Variants in NRXN1 observed in about 807,000 individuals in gnomAD.
NRXN1 encodes the protein neurexin 1.
In NRXN1, 39 loss-of-function variants were observed where a neutral mutation model predicts 150.9. That is an observed-to-expected ratio of 0.26 (90% CI 0.20 to 0.34). NRXN1 has a LOEUF of 0.34. Among genes scored for constraint, NRXN1 ranks in the 10% least tolerant of loss-of-function variants. NRXN1 has a pLI of 1.00. For synonymous variants in NRXN1, 924 were observed against 757.0 expected (o/e 1.22, Z -3.62); for missense variants, 1,815 against 1,949.9 (o/e 0.93, Z 1.30).
chr2:50,996,953 T>C (rs1558850), intron 2 of NRXN1, among the ~76,000 whole-genome samples: 31,691 of 152,018 alleles, frequency 0.21, 4,321 homozygotes, highest in East Asian at 0.4. Context: ...CTCTTTGTTA[T>C]TGTTTGACGC....
intron 17 of NRXN1, among the ~76,000 whole-genome samples, chr2:50,365,436 T>C (rs1302507364): frequency 2.6e-5 from 4 of 151,950 alleles, no homozygotes; most frequent in African/African-American, 9.7e-5. Context: ...AAATCATGAG[T>C]CTATTTTCAC....
intron 17 of NRXN1, among the ~76,000 whole-genome samples, chr2:50,330,465 T>C (rs922534095): frequency 2.0e-4 from 31 of 152,178 alleles, no homozygotes; most frequent in Non-Finnish European, 3.7e-4. Flanking sequence ...CCACGTCCTT[T>C]TGCTTTAACC....
intron 2 of NRXN1, among the ~76,000 whole-genome samples, chr2:51,021,858 G>T (rs1431141571): frequency 6.6e-6 from 1 of 151,958 alleles, no homozygotes; most frequent in Admixed American, 6.6e-5. Context: ...AATTGGGATG[G>T]AATACAGGTA....
At chr2:50,905,416 G>A (rs1435743737) in intron 5 of NRXN1, among the ~76,000 whole-genome samples, 3 of 152,072 alleles carry the variant, frequency 2.0e-5, no homozygotes, top group African/African-American at 7.2e-5. Flanking sequence ...AGAGAGCCTA[G>A]GGAAAATTTG....
At chr2:50,977,343 G>A (rs1393985530) in intron 2 of NRXN1, among the ~76,000 whole-genome samples, 4 of 151,730 alleles carry the variant, frequency 2.6e-5, no homozygotes, top group East Asian at 1.9e-4. Flanking sequence ...ATTTTAATAT[G>A]AGCATATTTT....
At chr2:50,879,749 T>C (rs1402559240) in intron 5 of NRXN1, among the ~76,000 whole-genome samples, 1 of 151,918 alleles carries the variant, frequency 6.6e-6, no homozygotes, top group Non-Finnish European at 1.5e-5. Flanking sequence ...TTTCTTGCTA[T>C]TCTGAAGTGC....
chr2:50,736,342 A>C (rs1698745187), intron 5 of NRXN1, among the ~76,000 whole-genome samples: 1 of 152,156 alleles, frequency 6.6e-6, no homozygotes, highest in Admixed American at 6.5e-5. Flanking sequence ...AACCTGCCTA[A>C]GGGAGTCTCA....
At position 51,026,306 on chromosome 2, in the gene NRXN1, T is replaced by C. The variant is rs1670456809; in HGVS notation, c.772+1196A>G. On this transcript the variant is annotated intron_variant, in intron 2 of 22. Transcript: ENST00000401669. Reference sequence around the variant, plus strand: ...TTGCCTTGCTTTGACCCATAAGCTATCTACTTTAAATCCTGACATCTCCTA... The same window carrying C: ...TTGCCTTGCTTTGACCCATAAGCTACCTACTTTAAATCCTGACATCTCCTA... 18 of 1,045,894 alleles carry C rather than the reference T, an allele frequency of 1.7e-5. 1 individual carries two copies. The South Asian group carries it at 2.3e-4, about 13-fold the overall frequency. 64.8% of individuals were successfully genotyped at this position (1,045,894 alleles called of 1,614,324 possible). A position where few individuals can be genotyped will look rare whatever the true frequency, so the allele number is the denominator to read the frequency against.
chr2:50,289,906 TA>T (rs1361008114), intron 17 of NRXN1, among the ~76,000 whole-genome samples: 2 of 152,170 alleles, frequency 1.3e-5, no homozygotes, highest in Admixed American at 1.3e-4. Flanking sequence ...ATATAATATT[TA>T]GAATTCCAAA....
chr2:50,426,022 A>T (rs2084452791), intron 17 of NRXN1, among the ~76,000 whole-genome samples: 1 of 152,184 alleles, frequency 6.6e-6, no homozygotes, highest in African/African-American at 2.4e-5. Context: ...ACATTTTAAC[A>T]TCCTTTCAAA....
chr2:49,969,743 G>A (rs1677620197), intron 21 of NRXN1: 1 of 151,990 alleles, frequency 6.6e-6, no homozygotes. Context: ...ATTCAGGGTG[G>A]TATGGCCGTA....
chr2:50,346,228 C>T lies in NRXN1; in HGVS notation c.3365-109258G>A, dbSNP rs1221153832. Among the ~76,000 whole-genome samples the T allele has an allele frequency of 6.6e-6, 1 of 152,202 alleles. No individual in the cohort carries two copies. Among genetic ancestry groups the T allele is most frequent in the Non-Finnish European group, 1.5e-5 (1 of 68,040 alleles). The stretch of plus-strand genomic sequence containing the variant: ...GGAATGTGCGGGCTGGAATCTCTCC[C>T]TCCCCGCCCCCCGGGGCCAGGGAAG... On this transcript the variant is annotated intron_variant, in intron 17 of 22. Coordinates refer to ENST00000401669, the MANE Select transcript of NRXN1 (RefSeq NM_001330078.2). This position sits in a 1 kb window ranked among gnomAD's most constrained non-coding sequence, Gnocchi z 5.0.
intron 2 of NRXN1, among the ~76,000 whole-genome samples, chr2:50,947,179 C>T (rs1389213806): frequency 3.3e-5 from 5 of 152,012 alleles, no homozygotes; most frequent in African/African-American, 1.2e-4. Flanking sequence ...CCCTTTGGAG[C>T]TAAACATAAA....
At chr2:50,045,658 T>C (rs1691691213) in intron 21 of NRXN1, among the ~76,000 whole-genome samples, 1 of 152,180 alleles carries the variant, frequency 6.6e-6, no homozygotes, top group Non-Finnish European at 1.5e-5. Context: ...GTAGAGCTGA[T>C]AAAAACTAAG....
At chr2:50,829,900 TGTC>T (rs142049596) in intron 5 of NRXN1, among the ~76,000 whole-genome samples, 91 of 150,966 alleles carry the variant, frequency 6.0e-4, no homozygotes, top group African/African-American at 2.2e-3. Context: ...GTGCTCTGTG[TGTC>T]TTCTCAGCCT....
At chr2:49,988,319 A>G (rs1279049185) in intron 21 of NRXN1, among the ~76,000 whole-genome samples, 1 of 151,982 alleles carries the variant, frequency 6.6e-6, no homozygotes, top group Non-Finnish European at 1.5e-5. Flanking sequence ...TATCAGAAAA[A>G]AAAAAAACTG....
Position 50,510,093 on chromosome 2 carries a change from GA to G in NRXN1, c.2375-3477del, listed in dbSNP as rs373043684. Among the ~76,000 whole-genome samples the G allele has an allele frequency of 3.8e-3, 568 of 151,154 alleles. 5 individuals carry two copies. The highest frequency in any genetic ancestry group is 0.013 in the African/African-American group (548 of 41,258). ...CTTCAAGCCTTCAAAAAACTGAGGT[GA>G]AAAAAAAATTCTGTTGTTTAAGCCA... is the stretch of plus-strand genomic sequence containing the variant. On this transcript the variant is annotated intron_variant, in intron 12 of 22. Transcript: ENST00000401669.
intron 5 of NRXN1, among the ~76,000 whole-genome samples, chr2:50,860,442 C>G (rs1675963931): frequency 6.6e-6 from 1 of 151,980 alleles, no homozygotes; most frequent in Admixed American, 6.6e-5. Flanking sequence ...GTGCGACCTG[C>G]AGAGGTCCTG....
In NRXN1 at chr2:50,113,034, T is replaced by A. The variant is rs929348055; in HGVS notation, c.3547-21540A>T. On this transcript the variant is annotated intron_variant, in intron 18 of 22. Coordinates refer to ENST00000401669, the MANE Select transcript of NRXN1 (RefSeq NM_001330078.2). ...CCAAATATCCAAACCCTACCTTCCCTTTGATGCCAAGTCAAAATGTGACCT... is the reference window on the plus strand; with the variant it reads ...CCAAATATCCAAACCCTACCTTCCCATTGATGCCAAGTCAAAATGTGACCT... Among the ~76,000 whole-genome samples, 10 of 152,118 alleles carry A rather than the reference T, an allele frequency of 6.6e-5. No individual in the cohort carries two copies. The East Asian group carries it at 1.5e-3, about 23-fold the overall frequency.
Sources: allele counts gnomAD v4.1 joint callset (sites outside exome capture counted in the v4.1 genomes callset), GRCh38; gene constraint gnomAD v4.1.1; non-coding constraint Gnocchi (gnomAD v3.1); transcripts MANE v1.5; gene names NCBI Gene and HGNC (gene_info 2026-07-23, HGNC 2026-07-21).